The following GATA3 variants were observed in gnomAD, a reference collection of about 807,000 sequenced individuals.
The protein encoded by GATA3 is GATA binding protein 3, also known as trans-acting T-cell-specific transcription factor GATA-3.
In GATA3, 6 loss-of-function variants were observed where a neutral mutation model predicts 36.0. The ratio of observed to expected loss-of-function variants is 0.17; its 90% CI spans 0.09 to 0.33. GATA3 has a LOEUF of 0.33. Among genes scored for constraint, GATA3 ranks in the 10% least tolerant of loss-of-function variants. The pLI is 1.00. For synonymous variants in GATA3, 326 were observed against 273.0 expected (o/e 1.19, Z -1.92); for missense variants, 514 against 610.1 (o/e 0.84, Z 1.66).
At chr10:8,059,931 TCTTGCCTC>T (rs1168868776) in intron 3 of GATA3, among the ~76,000 whole-genome samples, 1 of 152,220 alleles carries the variant, frequency 6.6e-6, no homozygotes, top group Non-Finnish European at 1.5e-5. Context: ...GCTCCAGGTA[TCTTGCCTC>T]CGCTGTCTCT....
In GATA3 at chr10:8,074,482, G is replaced by A. The variant is rs1832983296; in HGVS notation, c.*459G>A. ...GTTTTGTTTCCTTTCACTGGCCACA[G>A]TTGTTTGATGCATTAAAAGAAAATA... On this transcript the variant is annotated 3_prime_UTR_variant, in exon 6 of 6. Transcript: ENST00000379328. The A allele has an allele frequency of 4.2e-6, 1 of 237,996 alleles. No homozygotes were observed. The highest frequency in any genetic ancestry group is 1.8e-4 in the South Asian group (1 of 5,568). 14.7% of individuals were successfully genotyped at this position (237,996 alleles called of 1,614,324 possible).
chr10:8,045,929 C>T (rs548636257), intron 1 of GATA3, among the ~76,000 whole-genome samples: 5 of 152,102 alleles, frequency 3.3e-5, no homozygotes, highest in African/African-American at 1.2e-4. Flanking sequence ...TGTTTATTTT[C>T]CTCTGTTTAA....
chr10:8,062,075 C>T (rs1832758788), intron 3 of GATA3, among the ~76,000 whole-genome samples: 1 of 152,206 alleles, frequency 6.6e-6, no homozygotes, highest in South Asian at 2.1e-4. Flanking sequence ...CGGTTACTCG[C>T]CCACTCACCC....
In GATA3 at chr10:8,061,857, G is replaced by A. The variant is rs1229201505; in HGVS notation, c.779-2136G>A. On this transcript the variant is annotated intron_variant, in intron 3 of 5. Coordinates refer to ENST00000379328, the MANE Select transcript of GATA3 (RefSeq NM_001002295.2). ...GAGCCGGGTGGCAACCACGCTCCCCGCCTCCAACCACAGCGGCCTCTCCTC... is the reference window on the plus strand; with the variant it reads ...GAGCCGGGTGGCAACCACGCTCCCCACCTCCAACCACAGCGGCCTCTCCTC... Among the ~76,000 whole-genome samples, 6 of 152,304 alleles carry A rather than the reference G, an allele frequency of 3.9e-5. No individual in the cohort carries two copies. In the East Asian group the frequency reaches 5.8e-4, roughly 15 times the overall value.
chr10:8,056,368 G>C (rs558172853), intron 2 of GATA3, among the ~76,000 whole-genome samples: 2 of 152,362 alleles, frequency 1.3e-5, no homozygotes, highest in South Asian at 4.1e-4. Context: ...GGGTGGGCGG[G>C]GTGGAGGGGG....
intron 3 of GATA3, 44 bp downstream of exon 3, chr10:8,058,885 C>A (rs1378848878): frequency 6.3e-7 from 1 of 1,579,546 alleles, no homozygotes; most frequent in Admixed American, 1.7e-5. Context: ...CTCCCTCCTC[C>A]CCTTTTCCTC....
intron 4 of GATA3, among the ~76,000 whole-genome samples, chr10:8,066,975 G>C (rs1265952939): frequency 6.6e-6 from 1 of 151,898 alleles, no homozygotes; most frequent in Non-Finnish European, 1.5e-5. Flanking sequence ...ATTCAGAATT[G>C]CTGGGCTAGG....
At chr10:8,073,475 A>G (rs972717929) in intron 5 of GATA3, among the ~76,000 whole-genome samples, 1 of 152,218 alleles carries the variant, frequency 6.6e-6, no homozygotes, top group Non-Finnish European at 1.5e-5. Flanking sequence ...TTCTAAAGAA[A>G]TAAGACAAGT....
chr10:8,063,000 G>T (rs1832774845), intron 3 of GATA3, among the ~76,000 whole-genome samples: 1 of 152,218 alleles, frequency 6.6e-6, no homozygotes, highest in African/African-American at 2.4e-5. Flanking sequence ...CTTTCTGGGT[G>T]GGTCTGGGTC....
rs749900809 is a variant in GATA3 at position 8,064,126 on chromosome 10, C to G, written c.912C>G (p.Pro304=). ...GACAGAACCGGCCCCTCATTAAGCC[C>G]AAGCGAAGGCTGGTAAGTTCTCGGG... is the stretch of plus-strand genomic sequence containing the variant. The part of the protein sequence containing the change: ...MNGQNRPLIK[P]KRRLSAARRA... Residue 304 remains proline (P), a synonymous_variant, in exon 4 of 6, where the codon CCC becomes CCG. Transcript: ENST00000379328. 3.7e-6 allele frequency: 6 copies of G among 1,613,994 alleles called. No homozygotes were observed. The Admixed American group carries it at 1.0e-4, about 27-fold the overall frequency.
chr10:8,055,571 G>C lies in GATA3; in HGVS notation c.-85G>C, dbSNP rs1163093089. Reference sequence around the variant, plus strand: ...GACCCCCGACCCTCCGACGGCAGGAGCCCCCCGACCTCCCAGGCGGACCGC... The same window carrying C: ...GACCCCCGACCCTCCGACGGCAGGACCCCCCCGACCTCCCAGGCGGACCGC... On this transcript the variant is annotated 5_prime_UTR_variant, in exon 2 of 6. Coordinates refer to ENST00000379328, the MANE Select transcript of GATA3 (RefSeq NM_001002295.2). The surrounding 1 kb of genome is among the most constrained non-coding windows in gnomAD (Gnocchi z 5.4). 5.7e-5 allele frequency: 85 copies of C among 1,484,788 alleles called. No individual in the cohort carries two copies. In the African/African-American group the frequency reaches 1.2e-3, roughly 20 times the overall value. 92.0% of individuals were successfully genotyped at this position (1,484,788 alleles called of 1,614,324 possible). A position where few individuals can be genotyped will look rare whatever the true frequency, so the allele number is the denominator to read the frequency against.
In GATA3 at chr10:8,055,528, G is replaced by C. The variant is rs1832614040; in HGVS notation, c.-128G>C. 2 of 1,037,582 alleles carry C rather than the reference G, an allele frequency of 1.9e-6. No individual in the cohort carries two copies. Among genetic ancestry groups the C allele is most frequent in the South Asian group, 1.6e-5 (1 of 62,904 alleles). 64.3% of individuals were successfully genotyped at this position (1,037,582 alleles called of 1,614,324 possible). ...TTCCCAGCCTTCCCATCCCCCCACC[G>C]AAAGCAAATCATTCAACGACCCCCG... On this transcript the variant is annotated 5_prime_UTR_variant, in exon 2 of 6. Transcript: ENST00000379328. The surrounding 1 kb of genome is among the most constrained non-coding windows in gnomAD (Gnocchi z 5.4).
chr10:8,050,479 C>G (rs896176134), upstream of GATA3: 1 of 153,110 alleles, frequency 6.5e-6, no homozygotes, highest in Non-Finnish European at 1.5e-5. Flanking sequence ...ATTGACCGAT[C>G]GCAGCCCAGC....
chr10:8,050,980 G>GT (rs1014447160), upstream of GATA3: 11 of 492,052 alleles, frequency 2.2e-5, no homozygotes, highest in African/African-American at 2.0e-4. Flanking sequence ...GGAAGCGCCG[G>GT]TTGCCTGGCT....
chr10:8,064,625 A>T lies in GATA3; in HGVS notation c.924+487A>T, dbSNP rs981513142. Among the ~76,000 whole-genome samples the T allele has an allele frequency of 2.6e-5, 4 of 152,162 alleles. No individual in the cohort carries two copies. The East Asian group carries it at 7.7e-4, about 29-fold the overall frequency. On this transcript the variant is annotated intron_variant, in intron 4 of 5. Coordinates refer to ENST00000379328, the MANE Select transcript of GATA3 (RefSeq NM_001002295.2). ...AAGGATTACAGACTCAGTGCAATGG[A>T]TGGATTTGTTATGCTAATGCTTCAA...
At chr10:8,051,327 GGC>G, upstream of GATA3, 1 of 265,166 alleles carries the variant, frequency 3.8e-6, no homozygotes, top group Non-Finnish European at 8.1e-6. Context: ...GTTTCGGATA[GGC>G]CAAGCCGGCT....
At chr10:8,046,564 G>A (rs1190161340) in intron 1 of GATA3, among the ~76,000 whole-genome samples, 10 of 152,108 alleles carry the variant, frequency 6.6e-5, no homozygotes, top group African/African-American at 2.4e-4. Context: ...GGTAGTAGCA[G>A]TGGGTGGGCT....
At chr10:8,057,455 A>G (rs1490609006) in intron 2 of GATA3, among the ~76,000 whole-genome samples, 1 of 152,156 alleles carries the variant, frequency 6.6e-6, no homozygotes, top group African/African-American at 2.4e-5. Flanking sequence ...TTTGTGTCTT[A>G]GGGGCTCAGG....
chr10:8,063,310 T>G (rs1832780229), intron 3 of GATA3, among the ~76,000 whole-genome samples: 1 of 152,182 alleles, frequency 6.6e-6, no homozygotes, highest in African/African-American at 2.4e-5. Flanking sequence ...ATACTTTAAC[T>G]TCAGTCTCCG....
Sources: gnomAD v4.1 joint callset for allele counts (sites outside exome capture counted in the v4.1 genomes callset) on GRCh38, gnomAD v4.1.1 for gene constraint, Gnocchi (gnomAD v3.1) non-coding constraint, MANE v1.5 for transcripts, NCBI Gene and HGNC (gene_info 2026-07-23, HGNC 2026-07-21) for gene names.